Variants in HDAC11 observed in about 807,000 individuals in gnomAD.
HDAC11 encodes histone deacetylase 11.
In HDAC11, 23 loss-of-function variants were observed where a neutral mutation model predicts 41.1. The ratio of observed to expected loss-of-function variants is 0.56; its 90% CI spans 0.40 to 0.79. The LOEUF is 0.79. Among genes scored for constraint, HDAC11 ranks in the 30% least tolerant of loss-of-function variants. The pLI is 0.00. For missense variants in HDAC11, 402 were observed against 477.3 expected (o/e 0.84, Z 1.47); for synonymous variants, 187 against 186.6 (o/e 1.00, Z -0.02).
At chr3:13,497,354 T>A (rs1443614578) in intron 4 of HDAC11, among the ~76,000 whole-genome samples, 1 of 152,072 alleles carries the variant, frequency 6.6e-6, no homozygotes, top group Non-Finnish European at 1.5e-5. Context: ...AATTTTTGTA[T>A]TTTTAGTAGA....
intron 3 of HDAC11, among the ~76,000 whole-genome samples, chr3:13,489,301 A>C (rs990801374): frequency 6.6e-6 from 1 of 152,178 alleles, no homozygotes; most frequent in Non-Finnish European, 1.5e-5. Flanking sequence ...TGCCAAACCC[A>C]AGGTCATGAA....
chr3:13,496,262 C>A (rs916711519), intron 3 of HDAC11, among the ~76,000 whole-genome samples: 1 of 152,172 alleles, frequency 6.6e-6, no homozygotes, highest in African/African-American at 2.4e-5. Flanking sequence ...CAATGCAGTG[C>A]GAGGGAGCCA....
chr3:13,501,341 C>T (rs977426776), intron 6 of HDAC11, among the ~76,000 whole-genome samples: 1 of 152,204 alleles, frequency 6.6e-6, no homozygotes, highest in Non-Finnish European at 1.5e-5. Flanking sequence ...CAGGAACTGA[C>T]TGACCTGTTC....
intron 3 of HDAC11, among the ~76,000 whole-genome samples, chr3:13,488,396 C>A (rs1384006881): frequency 1.3e-5 from 2 of 152,146 alleles, no homozygotes; most frequent in Non-Finnish European, 2.9e-5. Context: ...AAAAGGAAAC[C>A]CTGTGTCCTT....
At chr3:13,482,947 C>G (rs1701388104) in intron 2 of HDAC11, among the ~76,000 whole-genome samples, 1 of 152,052 alleles carries the variant, frequency 6.6e-6, no homozygotes, top group African/African-American at 2.4e-5. Flanking sequence ...GATGCGGTCT[C>G]ACTATGTTGT....
Position 13,486,267 on chromosome 3 carries a change from CAAAAA to C in HDAC11, c.252+2721_252+2725del, listed in dbSNP as rs76727800. 2.9e-4 allele frequency among the ~76,000 whole-genome samples: 19 copies of C among 65,204 alleles called. No individual in the cohort carries two copies. The East Asian group carries it at 4.6e-3, about 16-fold the overall frequency. The allele number at this position is 65,204 out of a possible 152,430, so 42.8% of individuals were successfully genotyped here. ...GGGCAATAAGAGTGAAACTCCATCT[CAAAAA>C]AAAAAAAAAAAAAAAAAGAAAAAGA... On this transcript the variant is annotated intron_variant, in intron 3 of 9. Coordinates refer to ENST00000295757, the MANE Select transcript of HDAC11 (RefSeq NM_024827.4).
chr3:13,494,620 G>C (rs7640917), intron 3 of HDAC11, among the ~76,000 whole-genome samples: 25,323 of 152,200 alleles, frequency 0.17, 2,768 homozygotes, highest in African/African-American at 0.31. Context: ...GCCTGGGCTT[G>C]TGGAAGTGGT....
intron 3 of HDAC11, among the ~76,000 whole-genome samples, chr3:13,485,301 G>T (rs1559370661): frequency 1.3e-5 from 2 of 152,258 alleles, no homozygotes; most frequent in Non-Finnish European, 2.9e-5. Flanking sequence ...AGAGAGGGGT[G>T]TGAGGCCTTG....
intron 3 of HDAC11, among the ~76,000 whole-genome samples, chr3:13,488,366 C>T (rs1328546745): frequency 6.6e-6 from 1 of 152,184 alleles, no homozygotes; most frequent in African/African-American, 2.4e-5. Flanking sequence ...ATCTCTAGTT[C>T]CAAACATTTT....
In HDAC11 at chr3:13,502,011, TC is replaced by T; in HGVS notation, c.552+81del. ...AGAATCTTCCCGGGGCAGGAGAGTC[TC>T]CCTCCTCATGTCCCCACGGCTCTCA... On this transcript the variant is annotated intron_variant, in intron 7 of 9. Transcript: ENST00000295757. This position sits in a 1 kb window ranked among gnomAD's most constrained non-coding sequence, Gnocchi z 4.1. The T allele has an allele frequency of 1.7e-6, 2 of 1,176,466 alleles. No individual in the cohort carries two copies. Among genetic ancestry groups the T allele is most frequent in the Non-Finnish European group, 2.5e-6 (2 of 790,232 alleles). The allele number at this position is 1,176,466 out of a possible 1,614,324, so 72.9% of individuals were successfully genotyped here. A position where few individuals can be genotyped will look rare whatever the true frequency, so the allele number is the denominator to read the frequency against.
Position 13,505,811 on chromosome 3 carries a change from C to T in HDAC11, c.*1128C>T, listed in dbSNP as rs1359764260. ...CCCAGGGGCCCCAGGTGGGCCAGAC[C>T]TCTGGCCTGTTCCTCAGCCCTACTC... On this transcript the variant is annotated 3_prime_UTR_variant, in exon 10 of 10. Coordinates refer to ENST00000295757, the MANE Select transcript of HDAC11 (RefSeq NM_024827.4). 4 of 152,372 alleles carry T rather than the reference C, an allele frequency of 2.6e-5. No individual in the cohort carries two copies. Among genetic ancestry groups the T allele is most frequent in the Non-Finnish European group, 4.4e-5 (3 of 68,156 alleles). 9.4% of individuals were successfully genotyped at this position (152,372 alleles called of 1,614,324 possible). A position where few individuals can be genotyped will look rare whatever the true frequency, so the allele number is the denominator to read the frequency against.
intron 3 of HDAC11, 71 bp from the exon 4 acceptor site, chr3:13,496,665 G>C: frequency 1.0e-6 from 1 of 979,318 alleles, no homozygotes; most frequent in Non-Finnish European, 1.6e-6. Context: ...GCATTTCCCG[G>C]GGAACCAATT....
intron 3 of HDAC11, among the ~76,000 whole-genome samples, chr3:13,486,221 T>C (rs770633749): frequency 3.2e-4 from 46 of 143,238 alleles, no homozygotes; most frequent in Non-Finnish European, 5.7e-4. Context: ...GAGCCGAGAT[T>C]GCGCCATTGC....
chr3:13,481,546 TC>T, intron 2 of HDAC11, 152 bp downstream of exon 2: 1 of 830,626 alleles, frequency 1.2e-6, no homozygotes, highest in Non-Finnish European at 1.9e-6. Context: ...AAATGATTTT[TC>T]CAACACAGAC....
At chr3:13,488,258 T>A (rs974276059) in intron 3 of HDAC11, among the ~76,000 whole-genome samples, 1 of 152,150 alleles carries the variant, frequency 6.6e-6, no homozygotes, top group Non-Finnish European at 1.5e-5. Context: ...AAATTTTTTT[T>A]AATTGTGGTA....
At position 13,500,721 on chromosome 3, in the gene HDAC11, T is replaced by C; in HGVS notation, c.421T>C (p.Phe141Leu). The part of the protein sequence containing the change: ...RGWAINVGGG[F>L]HHCSSDRGGG... ...TCTCTGCCCTTCCGCAGGGGGTGGC[T>C]TCCACCACTGCTCCAGCGACCGTGG... is the stretch of plus-strand genomic sequence containing the variant. Residue 141 changes from phenylalanine (F) to leucine (L), a missense_variant, in exon 6 of 10, where the codon TTC becomes CTC. By Grantham distance (22) the Phe-to-Leu change is conservative. Transcript: ENST00000295757. 2 of 1,594,522 alleles carry C rather than the reference T, an allele frequency of 1.3e-6. No individual in the cohort carries two copies. Among genetic ancestry groups the C allele is most frequent in the Non-Finnish European group, 1.7e-6 (2 of 1,169,986 alleles).
chr3:13,502,723 A>C lies in HDAC11; in HGVS notation c.553-161A>C. 1.6e-6 allele frequency: 1 copy of C among 614,610 alleles called. No individual in the cohort carries two copies. The highest frequency in any genetic ancestry group is 2.9e-6 in the Non-Finnish European group (1 of 341,494). 38.1% of individuals were successfully genotyped at this position (614,610 alleles called of 1,614,324 possible). ...GTGTCGGGGCCTGGTTTTAAGGTTG[A>C]ATCCCAGCTCTGCCCCTTAACAGTC... is the stretch of plus-strand genomic sequence containing the variant. On this transcript the variant is annotated intron_variant, in intron 7 of 9. Coordinates refer to ENST00000295757, the MANE Select transcript of HDAC11 (RefSeq NM_024827.4). The surrounding 1 kb of genome is among the most constrained non-coding windows in gnomAD (Gnocchi z 4.1).
In HDAC11 at chr3:13,481,282, G is replaced by A; in HGVS notation, c.39G>A (p.Glu13=). 6.2e-7 allele frequency: 1 copy of A among 1,612,674 alleles called. No homozygotes were observed. Among genetic ancestry groups the A allele is most frequent in the Admixed American group, 1.7e-5 (1 of 60,024 alleles). Residue 13 remains glutamate (E), a synonymous_variant, in exon 2 of 10, where the codon GAG becomes GAA. Coordinates refer to ENST00000295757, the MANE Select transcript of HDAC11 (RefSeq NM_024827.4). ...CCCAGCTGTACCAGCATGTGCCAGA[G>A]ACACGCTGGCCAATCGTGTACTCGC... is the stretch of plus-strand genomic sequence containing the variant. ...HTTQLYQHVP[E]TRWPIVYSPR... is the part of the protein sequence containing the mutation.
At chr3:13,493,946 A>T (rs1701976185) in intron 3 of HDAC11, among the ~76,000 whole-genome samples, 1 of 152,198 alleles carries the variant, frequency 6.6e-6, no homozygotes, top group South Asian at 2.1e-4. Flanking sequence ...TGTGACTTAA[A>T]AGGCAAAGAG....
Sources: gnomAD v4.1 joint callset for allele counts (sites outside exome capture counted in the v4.1 genomes callset) on GRCh38, gnomAD v4.1.1 for gene constraint, Gnocchi (gnomAD v3.1) non-coding constraint, MANE v1.5 for transcripts, NCBI Gene and HGNC (gene_info 2026-07-23, HGNC 2026-07-21) for gene names.